Variants in SMARCAD1 observed in about 807,000 individuals in gnomAD.
SMARCAD1 encodes the protein SWI/SNF-related matrix-associated actin-dependent regulator of chromatin subfamily A containing DEAD/H box 1.
Under a neutral mutation model 127.1 loss-of-function variants are expected in SMARCAD1, and 25 were observed. The observed-to-expected ratio is 0.20, with a 90% CI of 0.14 to 0.27. The LOEUF (loss-of-function observed/expected upper bound fraction) is 0.27. SMARCAD1 is among the 10% of genes least tolerant of loss of function. The probability of loss-of-function intolerance (pLI) is 1.00; values close to 1 mark genes in which losing one functional copy is unlikely to be tolerated. For missense variants in SMARCAD1, 807 were observed against 1,206.0 expected (o/e 0.67, Z 4.90); for synonymous variants, 400 against 396.9 (o/e 1.01, Z -0.09).
intron 4 of SMARCAD1, among the ~76,000 whole-genome samples, chr4:94,236,330 A>G (rs1746643114): frequency 6.6e-6 from 1 of 152,206 alleles, no homozygotes; most frequent in African/African-American, 2.4e-5. Flanking sequence ...GAAATCTAAA[A>G]TTACTGAGCA....
chr4:94,249,909 A>C (rs536876721), intron 7 of SMARCAD1, among the ~76,000 whole-genome samples, 154 bp downstream of exon 7: 34 of 152,104 alleles, frequency 2.2e-4, no homozygotes, highest in Admixed American at 5.2e-4. Flanking sequence ...GTATTTTCAT[A>C]CTGTTTATTT....
At chr4:94,238,065 C>A (rs1206304025) in intron 5 of SMARCAD1, among the ~76,000 whole-genome samples, 1 of 152,096 alleles carries the variant, frequency 6.6e-6, no homozygotes, top group Non-Finnish European at 1.5e-5. Flanking sequence ...TACAAAAATA[C>A]AAAACGATGT....
intron 9 of SMARCAD1, chr4:94,253,759 A>C (rs1273994515): frequency 7.1e-6 from 6 of 849,630 alleles, no homozygotes; most frequent in Non-Finnish European, 8.5e-6. Context: ...AGTTTTATGA[A>C]TGCCAACAGT....
intron 10 of SMARCAD1, among the ~76,000 whole-genome samples, chr4:94,269,498 T>G (rs550886954): frequency 8.5e-5 from 13 of 152,266 alleles, no homozygotes; most frequent in East Asian, 5.8e-4. Context: ...ATTAAGTTTT[T>G]TTTTTTTTTT....
At position 94,208,078 on chromosome 4, in the gene SMARCAD1, G is replaced by A. The variant is rs983979200; in HGVS notation, c.-50+8G>A. 6 of 512,736 alleles carry A rather than the reference G, an allele frequency of 1.2e-5. No individual in the cohort carries two copies. Among genetic ancestry groups the A allele is most frequent in the Admixed American group, 9.1e-5 (4 of 44,156 alleles). The allele number at this position is 512,736 out of a possible 1,614,324, so 31.8% of individuals were successfully genotyped here. On this transcript the variant is annotated splice_region_variant and intron_variant, in intron 1 of 23. Coordinates refer to ENST00000354268, the MANE Select transcript of SMARCAD1 (RefSeq NM_020159.5). ...GTGCCTGCGCGTGCTTGGGTAAGAG[G>A]AGGTTGCATGAGGGTCAGCTCGTGG...
chr4:94,228,347 A>T (rs1745329744), intron 3 of SMARCAD1, among the ~76,000 whole-genome samples: 1 of 152,202 alleles, frequency 6.6e-6, no homozygotes, highest in Non-Finnish European at 1.5e-5. Context: ...CGTAAACAGC[A>T]ATTACAATAA....
At position 94,290,005 on chromosome 4, in the gene SMARCAD1, A is replaced by T. The variant is rs1412561990; in HGVS notation, c.*471A>T. The T allele has an allele frequency of 2.2e-6, 1 of 454,456 alleles. No homozygotes were observed. The highest frequency in any genetic ancestry group is 4.4e-6 in the Non-Finnish European group (1 of 226,758). 28.2% of individuals were successfully genotyped at this position (454,456 alleles called of 1,614,324 possible). Reference sequence around the variant, plus strand: ...TTATTATGTTAAAGAATGCAGCTGTATAGATTATATAGCTTTCATTTTATT... The same window carrying T: ...TTATTATGTTAAAGAATGCAGCTGTTTAGATTATATAGCTTTCATTTTATT... On this transcript the variant is annotated 3_prime_UTR_variant, in exon 24 of 24. Transcript: ENST00000354268.
rs763375614 is a variant in SMARCAD1, at chr4:94,208,352, C to A, written c.-43C>A. 6.3e-7 allele frequency: 1 copy of A among 1,591,650 alleles called. No individual in the cohort carries two copies. ...CTTTATTTTTCCCCTGCAGATAGTT[C>A]ATTTAAAGCCCCCATCCCTGCAAGG... On this transcript the variant is annotated 5_prime_UTR_variant, in exon 2 of 24. Coordinates refer to ENST00000354268, the MANE Select transcript of SMARCAD1 (RefSeq NM_020159.5).
At chr4:94,276,937 C>T (rs1753396135) in intron 15 of SMARCAD1, 85 bp from the exon 16 acceptor site, 1 of 1,374,894 alleles carries the variant, frequency 7.3e-7, no homozygotes, top group African/African-American at 1.4e-5. Context: ...TATCTCTCCT[C>T]CCTTCACCTT....
intron 9 of SMARCAD1, among the ~76,000 whole-genome samples, chr4:94,254,120 C>T (rs1041367926): frequency 6.6e-6 from 1 of 151,874 alleles, no homozygotes; most frequent in African/African-American, 2.4e-5. Context: ...AATACAGAAA[C>T]AACATTAATA....
chr4:94,214,868 A>G lies in SMARCAD1; in HGVS notation c.190+6284A>G, dbSNP rs75746389. Among the ~76,000 whole-genome samples, 1,371 of 151,984 alleles carry G rather than the reference A, an allele frequency of 9.0e-3. 24 individuals are homozygous for G. Among genetic ancestry groups the G allele is most frequent in the African/African-American group, 0.031 (1,274 of 41,424 alleles). On this transcript the variant is annotated intron_variant, in intron 2 of 23. Coordinates refer to ENST00000354268, the MANE Select transcript of SMARCAD1 (RefSeq NM_020159.5). Reference sequence around the variant, plus strand: ...TGGTTGCCTTTTCAAGGTGGTTGTCATATTGAAAGTAGCACTTGTTGATAA... The same window carrying G: ...TGGTTGCCTTTTCAAGGTGGTTGTCGTATTGAAAGTAGCACTTGTTGATAA...
chr4:94,234,011 T>A lies in SMARCAD1; in HGVS notation c.426T>A (p.Asn142Lys). 6.2e-7 allele frequency: 1 copy of A among 1,613,760 alleles called. No individual in the cohort carries two copies. Among genetic ancestry groups the A allele is most frequent in the South Asian group, 1.1e-5 (1 of 91,072 alleles). ...GCCTTCCTACCATGGCACGTAGAAATGATGATATTTCAGAACTGGAAGACC... is the reference window on the plus strand; with the variant it reads ...GCCTTCCTACCATGGCACGTAGAAAAGATGATATTTCAGAACTGGAAGACC... The part of the protein sequence containing the change: ...SQGLPTMARR[N>K]DDISELEDLS... The change falls in exon 4 of 24, where the codon AAT becomes AAA. Residue 142 changes from asparagine to lysine, a missense_variant. This residue lies in a region of SMARCAD1 where 175 missense variants were observed against 169.5 expected (regional missense o/e 1.03). Transcript: ENST00000354268.
intron 9 of SMARCAD1, among the ~76,000 whole-genome samples, chr4:94,264,275 G>C (rs1327119045): frequency 6.6e-6 from 1 of 151,912 alleles, no homozygotes; most frequent in Non-Finnish European, 1.5e-5. Context: ...GAAATGACAA[G>C]TAGAGGTGAG....
intron 23 of SMARCAD1, among the ~76,000 whole-genome samples, chr4:94,286,102 T>C (rs936583900): frequency 6.6e-6 from 1 of 152,184 alleles, no homozygotes; most frequent in Non-Finnish European, 1.5e-5. Context: ...ATAAGTCTTT[T>C]CTTATGGGCT....
chr4:94,229,965 A>G (rs1018350752), intron 3 of SMARCAD1, among the ~76,000 whole-genome samples: 1 of 152,100 alleles, frequency 6.6e-6, no homozygotes, highest in Non-Finnish European at 1.5e-5. Flanking sequence ...AAGTATGCAT[A>G]AAATAGTTTT....
rs75832545 is a variant in SMARCAD1, at chr4:94,289,055, A to G, written c.3020-418A>G. Among the ~76,000 whole-genome samples the G allele has an allele frequency of 6.8e-3, 1,029 of 152,234 alleles. 7 individuals carry two copies. Among genetic ancestry groups the G allele is most frequent in the Middle Eastern group, 0.054 (16 of 294 alleles). Reference sequence around the variant, plus strand: ...ACAGTGTGGGTCTGAGTCAGTGATTATATCTTTAGATGAAAAATAAGAATA... The same window carrying G: ...ACAGTGTGGGTCTGAGTCAGTGATTGTATCTTTAGATGAAAAATAAGAATA... On this transcript the variant is annotated intron_variant, in intron 23 of 23. Coordinates refer to ENST00000354268, the MANE Select transcript of SMARCAD1 (RefSeq NM_020159.5).
intron 6 of SMARCAD1, among the ~76,000 whole-genome samples, chr4:94,247,592 TCA>T (rs1748637155): frequency 6.6e-6 from 1 of 152,222 alleles, no homozygotes; most frequent in African/African-American, 2.4e-5. Context: ...TTTAGTACAT[TCA>T]CAGTGTTGTA....
rs1755450283 is a variant in SMARCAD1, at chr4:94,289,730, A to C, written c.*196A>C. 1.5e-6 allele frequency: 1 copy of C among 682,890 alleles called. No individual in the cohort carries two copies. The highest frequency in any genetic ancestry group is 2.0e-5 in the Admixed American group (1 of 49,262). The allele number at this position is 682,890 out of a possible 1,614,324, so 42.3% of individuals were successfully genotyped here. On this transcript the variant is annotated 3_prime_UTR_variant, in exon 24 of 24. Transcript: ENST00000354268. ...ACTCACACGTGAAATTTCAAAAAAG[A>C]AGCCACAAATATGTAGTTCTGAAGA...
rs746399505 is a variant in SMARCAD1, at chr4:94,290,098, A to G, written c.*564A>G. The G allele has an allele frequency of 1.5e-5, 7 of 454,376 alleles. No individual in the cohort carries two copies. The highest frequency in any genetic ancestry group is 2.6e-5 in the Non-Finnish European group (6 of 226,766). The allele number at this position is 454,376 out of a possible 1,614,324, so 28.1% of individuals were successfully genotyped here. A position where few individuals can be genotyped will look rare whatever the true frequency, so the allele number is the denominator to read the frequency against. On this transcript the variant is annotated 3_prime_UTR_variant, in exon 24 of 24. Coordinates refer to ENST00000354268, the MANE Select transcript of SMARCAD1 (RefSeq NM_020159.5). ...CCTGAATTTAAAGGTGGCATTCCAT[A>G]TACTAACATCCCCCAGGTCCTCTCA... is the stretch of plus-strand genomic sequence containing the variant.
Sources: allele counts gnomAD v4.1 joint callset (sites outside exome capture counted in the v4.1 genomes callset), GRCh38; gene constraint gnomAD v4.1.1; regional missense constraint gnomAD v4.1.1; transcripts MANE v1.5; gene names NCBI Gene and HGNC (gene_info 2026-07-23, HGNC 2026-07-21).